Variants in CSMD1 observed in about 807,000 individuals in gnomAD.
CSMD1 encodes the protein CUB and sushi domain-containing protein 1.
A neutral mutation model predicts 417.5 loss-of-function variants in CSMD1; 213 were observed. The ratio of observed to expected loss-of-function variants is 0.51; its 90% CI spans 0.46 to 0.57. The LOEUF is 0.57. Ranked by LOEUF, CSMD1 falls within the 20% of genes least tolerant of loss-of-function variation. The pLI is 0.00. For missense variants in CSMD1, 6,923 were observed against 4,529.7 expected (o/e 1.53, Z -15.17); for synonymous variants, 2,862 against 1,736.8 (o/e 1.65, Z -16.11).
intron 1 of CSMD1, among the ~76,000 whole-genome samples, chr8:4,956,839 T>C (rs1012209846): frequency 7.9e-5 from 12 of 152,182 alleles, no homozygotes; most frequent in African/African-American, 2.9e-4. Context: ...ACGCACCTCC[T>C]GCAGAAGTCA....
In CSMD1 at chr8:3,419,898, T is replaced by G. The variant is rs114822680; in HGVS notation, c.1562-10293A>C. Among the ~76,000 whole-genome samples the G allele has an allele frequency of 8.6e-3, 1,309 of 152,290 alleles. 20 individuals are homozygous for G. The highest frequency in any genetic ancestry group is 0.03 in the African/African-American group (1,254 of 41,552). ...TAGACTCTTGGAATAGATCCTGTTT[T>G]AGATGGAATCTCAGCAACATCAATT... On this transcript the variant is annotated intron_variant, in intron 12 of 69. Coordinates refer to ENST00000635120, the MANE Select transcript of CSMD1 (RefSeq NM_033225.6).
At chr8:4,082,280 G>A (rs1007275907) in intron 3 of CSMD1, among the ~76,000 whole-genome samples, 3 of 152,082 alleles carry the variant, frequency 2.0e-5, no homozygotes, top group African/African-American at 7.2e-5. Flanking sequence ...ACACAAGGTA[G>A]AATATCTGAG....
chr8:3,382,041 T>G (rs549876985), intron 18 of CSMD1, among the ~76,000 whole-genome samples: 2 of 152,116 alleles, frequency 1.3e-5, no homozygotes, highest in African/African-American at 4.8e-5. Flanking sequence ...GCAGATTACC[T>G]GAGGTCAGGA....
At chr8:4,211,531 A>G (rs533900160) in intron 3 of CSMD1, among the ~76,000 whole-genome samples, 8 of 152,322 alleles carry the variant, frequency 5.3e-5, no homozygotes, top group South Asian at 2.1e-4. Flanking sequence ...TATCTTTTGT[A>G]TACTTTTGAG....
intron 3 of CSMD1, among the ~76,000 whole-genome samples, chr8:4,268,851 C>A (rs533023313): frequency 6.6e-6 from 1 of 152,168 alleles, no homozygotes; most frequent in East Asian, 1.9e-4. Flanking sequence ...GAGAGATTTT[C>A]ATAAAACAAA....
chr8:4,994,285 C>T (rs1356879824), intron 1 of CSMD1, 47 bp downstream of exon 1: 2 of 1,566,772 alleles, frequency 1.3e-6, no homozygotes, highest in Non-Finnish European at 1.7e-6. Context: ...CACACGGGGC[C>T]TCCGAGGGCT....
At chr8:4,496,103 G>C (rs766944012) in intron 2 of CSMD1, among the ~76,000 whole-genome samples, 1 of 152,156 alleles carries the variant, frequency 6.6e-6, no homozygotes, top group Non-Finnish European at 1.5e-5. Flanking sequence ...GCATACATGA[G>C]CTAAGTTAAA....
chr8:3,731,348 T>C (rs559306889), intron 6 of CSMD1, among the ~76,000 whole-genome samples: 1 of 152,200 alleles, frequency 6.6e-6, no homozygotes, highest in Non-Finnish European at 1.5e-5. Flanking sequence ...TGGAGGAATA[T>C]TTCATTTTAG....
At chr8:4,372,133 TTTCTATGTGCATTTC>T (rs1802434742) in intron 3 of CSMD1, among the ~76,000 whole-genome samples, 1 of 152,348 alleles carries the variant, frequency 6.6e-6, no homozygotes, top group East Asian at 1.9e-4. Flanking sequence ...TATTAGCATT[TTTCTATGTGCATTTC>T]TCTAACCTTC....
chr8:3,948,687 A>T (rs1811406185), intron 5 of CSMD1, among the ~76,000 whole-genome samples: 1 of 152,194 alleles, frequency 6.6e-6, no homozygotes, highest in South Asian at 2.1e-4. Flanking sequence ...AATGAGTTCT[A>T]TTCCACCAAC....
chr8:4,461,386 G>A (rs1799807230), intron 2 of CSMD1, among the ~76,000 whole-genome samples: 2 of 151,232 alleles, frequency 1.3e-5, no homozygotes, highest in African/African-American at 4.9e-5. Flanking sequence ...AAATTTAAAG[G>A]CATAAAGATA....
chr8:3,799,378 T>TA (rs1370332659), intron 5 of CSMD1, among the ~76,000 whole-genome samples: 2 of 143,626 alleles, frequency 1.4e-5, no homozygotes, highest in Non-Finnish European at 3.1e-5. Flanking sequence ...GTATATCTCC[T>TA]AATGCTATCC....
At chr8:3,893,287 T>C (rs2129128513) in intron 5 of CSMD1, among the ~76,000 whole-genome samples, 1 of 142,016 alleles carries the variant, frequency 7.0e-6, no homozygotes, top group South Asian at 2.3e-4. Flanking sequence ...TAATTTGTGA[T>C]TTCTTATTGT....
At chr8:4,955,570 C>T (rs941241794) in intron 1 of CSMD1, among the ~76,000 whole-genome samples, 2 of 152,058 alleles carry the variant, frequency 1.3e-5, no homozygotes, top group Non-Finnish European at 2.9e-5. Context: ...ACTCTCCTGC[C>T]TCAGCCTCCC....
intron 1 of CSMD1, among the ~76,000 whole-genome samples, chr8:4,845,408 T>C (rs1274203389): frequency 6.6e-6 from 1 of 152,236 alleles, no homozygotes; most frequent in Non-Finnish European, 1.5e-5. Context: ...TGATATCCAT[T>C]GCTCTCATTG....
chr8:3,072,192 C>G (rs1384104597), intron 49 of CSMD1, among the ~76,000 whole-genome samples: 1 of 152,160 alleles, frequency 6.6e-6, no homozygotes, highest in Non-Finnish European at 1.5e-5. Flanking sequence ...CAGATTCAAA[C>G]TATTACAATT....
chr8:3,694,236 T>C (rs1278017039), intron 7 of CSMD1, among the ~76,000 whole-genome samples: 3 of 151,978 alleles, frequency 2.0e-5, no homozygotes, highest in Admixed American at 6.6e-5. Context: ...AGGCCATAGC[T>C]CTGTCATGGA....
rs533187981 is a variant in CSMD1 at position 3,021,920 on chromosome 8, C to G, written c.7856-3270G>C. 1.4e-4 allele frequency among the ~76,000 whole-genome samples: 20 copies of G among 147,286 alleles called. No homozygotes were observed. In the East Asian group the frequency reaches 3.5e-3, roughly 26 times the overall value. On this transcript the variant is annotated intron_variant, in intron 51 of 69. Transcript: ENST00000635120. ...GCAATCCCACAGCATCCAGAATGCA[C>G]AATCCCACAGCATCCGGAAAGCACC... is the stretch of plus-strand genomic sequence containing the variant.
At chr8:4,604,449 T>C (rs572739557) in intron 2 of CSMD1, among the ~76,000 whole-genome samples, 1 of 149,988 alleles carries the variant, frequency 6.7e-6, no homozygotes, top group Admixed American at 6.7e-5. Flanking sequence ...GAAGGAAGGA[T>C]CATCAACAAG....
Sources: gnomAD v4.1 joint callset for allele counts (sites outside exome capture counted in the v4.1 genomes callset) on GRCh38, gnomAD v4.1.1 for gene constraint, MANE v1.5 for transcripts, NCBI Gene and HGNC (gene_info 2026-07-23, HGNC 2026-07-21) for gene names.